Variants in XPNPEP3 observed in about 807,000 individuals in gnomAD.
XPNPEP3 encodes the protein X-prolyl aminopeptidase 3, also known as xaa-Pro aminopeptidase 3.
Under a neutral mutation model 60.0 loss-of-function variants are expected in XPNPEP3, and 41 were observed. That is an observed-to-expected ratio of 0.68 (90% confidence interval 0.53 to 0.89). The LOEUF (loss-of-function observed/expected upper bound fraction) is 0.89, where lower values mean the gene tolerates loss of function less well. XPNPEP3 is among the 40% of genes least tolerant of loss of function. The pLI is 0.00. For synonymous variants in XPNPEP3, 212 were observed against 223.2 expected (o/e 0.95, Z 0.45); for missense variants, 598 against 638.9 (o/e 0.94, Z 0.69).
intron 4 of XPNPEP3, among the ~76,000 whole-genome samples, chr22:40,895,468 G>T (rs906346583): frequency 1.1e-4 from 17 of 151,646 alleles, no homozygotes; most frequent in Non-Finnish European, 1.5e-5. Flanking sequence ...CCAAGTAGCT[G>T]GGATTACAGA....
intron 4 of XPNPEP3, chr22:40,888,486 C>T (rs771038491): frequency 4.4e-5 from 17 of 390,286 alleles, no homozygotes; most frequent in Admixed American, 1.4e-4. Flanking sequence ...TCAAGCAGTC[C>T]GCCCACCTTG....
rs911329885 is a variant in XPNPEP3 at position 40,929,740 on chromosome 22, A to G, written c.*3305A>G. 6.6e-6 allele frequency: 1 copy of G among 152,212 alleles called. No homozygotes were observed. The highest frequency in any genetic ancestry group is 2.4e-5 in the African/African-American group (1 of 41,452). The allele number at this position is 152,212 out of a possible 1,614,324, so 9.4% of individuals were successfully genotyped here. Reference sequence around the variant, plus strand: ...CATTTGAATCAGACTTCTCATAGCAATGTTATGGGCTGTCTGATATATTCA... The same window carrying G: ...CATTTGAATCAGACTTCTCATAGCAGTGTTATGGGCTGTCTGATATATTCA... On this transcript the variant is annotated 3_prime_UTR_variant, in exon 10 of 10. Transcript: ENST00000357137.
At position 40,926,297 on chromosome 22, in the gene XPNPEP3, T is replaced by C; in HGVS notation, c.1386T>C (p.Asp462=). 2 of 1,614,206 alleles carry C rather than the reference T, an allele frequency of 1.2e-6. No homozygotes were observed. The highest frequency in any genetic ancestry group is 1.7e-6 in the Non-Finnish European group (2 of 1,180,038). The part of the protein sequence containing the change: ...PGIYIPEDDK[D]APEKFRGLGV... ...TTTATATTCCAGAGGATGACAAAGA[T>C]GCCCCAGAGAAGTTTCGGGGTCTTG... is the stretch of plus-strand genomic sequence containing the variant. The change falls in exon 10 of 10, where the codon GAT becomes GAC. Residue 462 remains aspartate, a synonymous_variant. Coordinates refer to ENST00000357137, the MANE Select transcript of XPNPEP3 (RefSeq NM_022098.4).
intron 4 of XPNPEP3, among the ~76,000 whole-genome samples, chr22:40,898,224 C>CT (rs1405343173): frequency 8.5e-5 from 6 of 70,256 alleles, no homozygotes; most frequent in South Asian, 9.6e-4. Context: ...GTCTTTGACC[C>CT]ATTTTTTTTT....
rs746911707 is a variant in XPNPEP3, at chr22:40,885,100, ATAT to A, written c.590-1211_590-1209del. 1.3e-3 allele frequency among the ~76,000 whole-genome samples: 203 copies of A among 152,284 alleles called. No individual in the cohort carries two copies. In the Middle Eastern group the frequency reaches 0.014, roughly 10 times the overall value. On this transcript the variant is annotated intron_variant, in intron 3 of 9. Transcript: ENST00000357137. ...TAGGAAGGTGTTTCCCATGTAGTAT[ATAT>A]TTAGAACCATTTTTATTTTAAAAAT...
At chr22:40,909,280 C>T (rs781062943) in intron 6 of XPNPEP3, 45 bp downstream of exon 6, 2 of 1,509,268 alleles carry the variant, frequency 1.3e-6, no homozygotes, top group East Asian at 4.5e-5. Flanking sequence ...GTCCAGATAG[C>T]CTAGTAGAAA....
chr22:40,865,094 C>T (rs942750270), intron 1 of XPNPEP3, among the ~76,000 whole-genome samples: 18 of 152,152 alleles, frequency 1.2e-4, no homozygotes, highest in African/African-American at 2.9e-4. Flanking sequence ...CCCAGCCATC[C>T]GCTGTGCCAT....
rs530031874 is a variant in XPNPEP3, at chr22:40,927,097, T to C, written c.*662T>C. 2.6e-5 allele frequency: 4 copies of C among 154,008 alleles called. No homozygotes were observed. Among genetic ancestry groups the C allele is most frequent in the African/African-American group, 9.6e-5 (4 of 41,586 alleles). The allele number at this position is 154,008 out of a possible 1,614,324, so 9.5% of individuals were successfully genotyped here. A position where few individuals can be genotyped will look rare whatever the true frequency, so the allele number is the denominator to read the frequency against. On this transcript the variant is annotated 3_prime_UTR_variant, in exon 10 of 10. Transcript: ENST00000357137. The stretch of plus-strand genomic sequence containing the variant: ...CTTCTGAGCTTTTCTTGCCATTTGG[T>C]TGCCTGGGACCTGGAAAGTGTTTAG...
At chr22:40,913,534 C>T (rs1483225031) in intron 6 of XPNPEP3, among the ~76,000 whole-genome samples, 3 of 150,420 alleles carry the variant, frequency 2.0e-5, no homozygotes, top group Non-Finnish European at 2.9e-5. Context: ...GGCATGCCAA[C>T]GTATATAGGA....
chr22:40,864,619 A>G (rs1189427202), intron 1 of XPNPEP3, among the ~76,000 whole-genome samples: 4 of 151,724 alleles, frequency 2.6e-5, no homozygotes, highest in Admixed American at 2.6e-4. Context: ...CTAATTTTGT[A>G]TTTTTAGTAG....
intron 2 of XPNPEP3, among the ~76,000 whole-genome samples, chr22:40,876,140 A>G (rs1322192115): frequency 6.6e-6 from 1 of 152,248 alleles, no homozygotes; most frequent in African/African-American, 2.4e-5. Flanking sequence ...GACAAGAATT[A>G]GGAGCTACCT....
intron 2 of XPNPEP3, among the ~76,000 whole-genome samples, chr22:40,873,103 T>C (rs1453827407): frequency 1.9e-3 from 241 of 129,988 alleles, no homozygotes; most frequent in African/African-American, 6.3e-3. Context: ...TTTTTCTTTT[T>C]TTTTTTTTTT....
At chr22:40,911,110 TCCTCTCCATCCCCTGGTATTATCAGA>T (rs1163089654) in intron 6 of XPNPEP3, among the ~76,000 whole-genome samples, 1 of 152,126 alleles carries the variant, frequency 6.6e-6, no homozygotes, top group Non-Finnish European at 1.5e-5. Flanking sequence ...GTCAGCCACA[TCCTCTCCATCCCCTGGTATTATCAGA>T]CCTCTTAATT....
At chr22:40,898,358 A>G (rs1368546090) in intron 4 of XPNPEP3, among the ~76,000 whole-genome samples, 4 of 133,894 alleles carry the variant, frequency 3.0e-5, no homozygotes, top group Non-Finnish European at 6.0e-5. Flanking sequence ...GGTTCACGCC[A>G]TTCTCCTGCC....
At chr22:40,858,026 A>T (rs762176699) in intron 1 of XPNPEP3, among the ~76,000 whole-genome samples, 1 of 152,250 alleles carries the variant, frequency 6.6e-6, no homozygotes, top group African/African-American at 2.4e-5. Flanking sequence ...TGTCCAGTGC[A>T]CAGAACTTGT....
At chr22:40,901,152 C>T (rs2146265016) in intron 4 of XPNPEP3, among the ~76,000 whole-genome samples, 2 of 149,224 alleles carry the variant, frequency 1.3e-5, no homozygotes, top group South Asian at 4.2e-4. Flanking sequence ...AGGACACTAT[C>T]AAGAAAGTGA....
intron 1 of XPNPEP3, among the ~76,000 whole-genome samples, chr22:40,857,710 T>C (rs774579181): frequency 2.0e-5 from 3 of 152,272 alleles, no homozygotes; most frequent in Non-Finnish European, 4.4e-5. Context: ...CTGAAAGTCC[T>C]GTTTGCAAAG....
intron 2 of XPNPEP3, 39 bp from the exon 3 acceptor site, chr22:40,881,731 G>T (rs1272820116): frequency 1.2e-6 from 2 of 1,610,794 alleles, no homozygotes; most frequent in East Asian, 4.5e-5. Context: ...CTTTGGCACT[G>T]CAGAAATGTA....
intron 1 of XPNPEP3, among the ~76,000 whole-genome samples, chr22:40,862,944 AT>A (rs2057958997): frequency 1.3e-5 from 2 of 152,368 alleles, no homozygotes; most frequent in African/African-American, 4.8e-5. Flanking sequence ...TCCAAAAAAA[AT>A]AGCAATGTGC....
Sources: allele counts gnomAD v4.1 joint callset (sites outside exome capture counted in the v4.1 genomes callset), GRCh38; gene constraint gnomAD v4.1.1; transcripts MANE v1.5; gene names NCBI Gene and HGNC (gene_info 2026-07-23, HGNC 2026-07-21).